STAU2: variants seen among roughly 807,000 people sequenced by gnomAD.
STAU2 encodes staufen double-stranded RNA binding protein 2, also known as double-stranded RNA-binding protein Staufen homolog 2.
Under a neutral mutation model 65.9 loss-of-function variants are expected in STAU2, and 20 were observed. The observed-to-expected ratio is 0.30, with a 90% CI of 0.21 to 0.44. The LOEUF (loss-of-function observed/expected upper bound fraction) is 0.44, where lower values mean the gene tolerates loss of function less well. STAU2 is among the 20% of genes least tolerant of loss of function. The pLI is 1.00. For synonymous variants in STAU2, 232 were observed against 233.9 expected, an observed-to-expected ratio of 0.99 and a Z score of 0.07; for missense variants, 558 against 683.9, an observed-to-expected ratio of 0.82 and a Z score of 2.05.
chr8:73,464,254 C>T (rs182769034), intron 13 of STAU2, among the ~76,000 whole-genome samples: 118 of 152,136 alleles, frequency 7.8e-4, no homozygotes, highest in Admixed American at 2.0e-3. Flanking sequence ...TCTAAGCTCA[C>T]GTCAAGCTAG....
At chr8:73,450,972 T>C (rs957768226) in intron 13 of STAU2, among the ~76,000 whole-genome samples, 8 of 152,184 alleles carry the variant, frequency 5.3e-5, no homozygotes, top group African/African-American at 1.4e-4. Context: ...CACACCCTAA[T>C]GCCAGCACAT....
intron 9 of STAU2, 140 bp from the exon 10 acceptor site, chr8:73,604,003 T>C (rs1811830116): frequency 2.1e-6 from 2 of 971,156 alleles, no homozygotes; most frequent in South Asian, 4.4e-5. Context: ...TTTATGAATA[T>C]TTATAAAGGA....
intron 4 of STAU2, among the ~76,000 whole-genome samples, chr8:73,705,288 G>A (rs1214610958): frequency 6.6e-6 from 1 of 152,114 alleles, no homozygotes; most frequent in Non-Finnish European, 1.5e-5. Flanking sequence ...CGGCAATGAA[G>A]GGCAAAGATC....
At chr8:73,640,968 A>G (rs1161146305) in intron 6 of STAU2, among the ~76,000 whole-genome samples, 5 of 152,208 alleles carry the variant, frequency 3.3e-5, no homozygotes, top group Non-Finnish European at 7.3e-5. Context: ...AAGCAATAAA[A>G]AAAACAGAAA....
chr8:73,560,231 C>A (rs1488911518), intron 12 of STAU2, among the ~76,000 whole-genome samples: 2 of 152,054 alleles, frequency 1.3e-5, no homozygotes, highest in African/African-American at 4.8e-5. Flanking sequence ...CAGGCTCCCA[C>A]CACCATGCCT....
At chr8:73,675,370 T>TACACACAC (rs34764136) in intron 5 of STAU2, 9,485 of 145,434 alleles carry the variant, frequency 0.065, 356 homozygotes, top group Middle Eastern at 0.13. Flanking sequence ...CATACATGTA[T>TACACACAC]ACACACACAC....
chr8:73,464,418 C>T (rs955392383), intron 13 of STAU2, among the ~76,000 whole-genome samples: 2 of 152,202 alleles, frequency 1.3e-5, no homozygotes, highest in African/African-American at 4.8e-5. Context: ...AGCGCTGTTA[C>T]ACTTCTATGA....
chr8:73,713,869 C>T (rs1821063538), intron 3 of STAU2, among the ~76,000 whole-genome samples: 1 of 152,114 alleles, frequency 6.6e-6, no homozygotes, highest in Admixed American at 6.5e-5. Flanking sequence ...AGAATCCTTT[C>T]CATCCTTGGT....
At chr8:73,742,289 T>C in intron 1 of STAU2, 1 of 968,896 alleles carries the variant, frequency 1.0e-6, no homozygotes, top group Non-Finnish European at 1.2e-6. Context: ...TCCCAGCACT[T>C]TTGGAGTCTG....
At chr8:73,534,465 A>G (rs1470760025) in intron 13 of STAU2, among the ~76,000 whole-genome samples, 5 of 152,194 alleles carry the variant, frequency 3.3e-5, no homozygotes, top group African/African-American at 1.2e-4. Context: ...AAATTATTGT[A>G]TTTATTTAAC....
chr8:73,735,403 A>AG (rs926124555), intron 3 of STAU2, among the ~76,000 whole-genome samples: 25 of 152,308 alleles, frequency 1.6e-4, no homozygotes, highest in East Asian at 5.8e-4. Flanking sequence ...AGTAACAAGA[A>AG]GGGGGGGTCT....
chr8:73,658,438 C>T (rs1196183835), intron 6 of STAU2, among the ~76,000 whole-genome samples: 3 of 152,076 alleles, frequency 2.0e-5, no homozygotes, highest in African/African-American at 4.8e-5. Context: ...AAAATACATT[C>T]CAAGTTTCCA....
intron 13 of STAU2, among the ~76,000 whole-genome samples, chr8:73,549,137 A>C (rs1364746336): frequency 6.6e-6 from 1 of 152,194 alleles, no homozygotes; most frequent in Admixed American, 6.5e-5. Context: ...ACCCTGAAAC[A>C]CTATGGTAGG....
At chr8:73,722,736 A>T (rs1325935182) in intron 3 of STAU2, among the ~76,000 whole-genome samples, 4 of 152,196 alleles carry the variant, frequency 2.6e-5, no homozygotes, top group Admixed American at 2.6e-4. Flanking sequence ...ATGTACAGTA[A>T]GTCCTCACTT....
chr8:73,558,819 A>C (rs2128947762), intron 12 of STAU2, among the ~76,000 whole-genome samples: 2 of 152,182 alleles, frequency 1.3e-5, no homozygotes, highest in East Asian at 3.9e-4. Context: ...CTTTGAAAAA[A>C]AAAACTTTGT....
intron 6 of STAU2, among the ~76,000 whole-genome samples, chr8:73,665,592 C>G (rs1817175627): frequency 6.6e-6 from 1 of 152,132 alleles, no homozygotes; most frequent in Admixed American, 6.5e-5. Flanking sequence ...ATTTAATGGC[C>G]TTGGAATAGT....
intron 8 of STAU2, among the ~76,000 whole-genome samples, chr8:73,614,362 T>C (rs917246824): frequency 1.4e-4 from 22 of 152,170 alleles, no homozygotes; most frequent in Admixed American, 1.1e-3. Context: ...AGTAAGTTGC[T>C]GGAGAAACGA....
Position 73,593,964 on chromosome 8 carries a change from G to A in STAU2, c.1161+1202C>T, listed in dbSNP as rs1811003677. ...CTTATACAGTGGTTATGCAAAAAAT[G>A]TTTTTCAAATTAATGAAATTAATTA... On this transcript the variant is annotated intron_variant, in intron 11 of 14. Transcript: ENST00000524300. 2.0e-5 allele frequency among the ~76,000 whole-genome samples: 3 copies of A among 152,004 alleles called. No homozygotes were observed. In the South Asian group the frequency reaches 6.2e-4, roughly 32 times the overall value.
chr8:73,477,428 A>G (rs1430010652), intron 13 of STAU2, among the ~76,000 whole-genome samples: 2 of 152,210 alleles, frequency 1.3e-5, no homozygotes, highest in African/African-American at 2.4e-5. Flanking sequence ...GTTCACATAT[A>G]TATATTGATA....
Sources: allele counts gnomAD v4.1 joint callset (sites outside exome capture counted in the v4.1 genomes callset), GRCh38; gene constraint gnomAD v4.1.1; transcripts MANE v1.5; gene names NCBI Gene and HGNC (gene_info 2026-07-23, HGNC 2026-07-21).